Variants in HIF3A observed in about 807,000 individuals in gnomAD.
The protein encoded by HIF3A is hypoxia-inducible factor 3-alpha.
Under a neutral mutation model 67.2 loss-of-function variants are expected in HIF3A, and 41 were observed. The observed-to-expected ratio is 0.61, with a 90% confidence interval of 0.48 to 0.79. HIF3A has a LOEUF of 0.79. Among genes scored for constraint, HIF3A ranks in the 30% least tolerant of loss-of-function variants. The pLI is 0.00. For missense variants in HIF3A, 855 were observed against 898.0 expected, an observed-to-expected ratio of 0.95 and a Z score of 0.61; for synonymous variants, 356 against 374.8, an observed-to-expected ratio of 0.95 and a Z score of 0.58.
intron 14 of HIF3A, 116 bp downstream of exon 14, chr19:46,335,102 G>T: frequency 1.4e-6 from 1 of 699,194 alleles, no homozygotes; most frequent in Non-Finnish European, 2.3e-6. Flanking sequence ...AGGTGACCTT[G>T]GTGGAAACGG....
intron 11 of HIF3A, among the ~76,000 whole-genome samples, chr19:46,328,353 C>T (rs1248877200): frequency 2.0e-5 from 3 of 152,214 alleles, no homozygotes; most frequent in Non-Finnish European, 4.4e-5. Flanking sequence ...GTTAATTATT[C>T]ACTACACAAG....
rs778083512 is a variant in HIF3A, at chr19:46,312,271, T to C, written c.877+4T>C. The C allele has an allele frequency of 3.7e-6, 6 of 1,613,924 alleles. No homozygotes were observed. Among genetic ancestry groups the C allele is most frequent in the South Asian group, 1.1e-5 (1 of 91,082 alleles). ...GTCAGCAAGAGCATCCACACCTGTA[T>C]GTATCCCATTTCCCCAGGTGCGAAG... On this transcript the variant is annotated splice_donor_region_variant and intron_variant, in intron 7 of 14. Coordinates refer to ENST00000377670, the MANE Select transcript of HIF3A (RefSeq NM_152795.4).
rs1970718017 is a variant in HIF3A at position 46,325,527 on chromosome 19, C to T, written c.1336-8C>T. The T allele has an allele frequency of 6.2e-7, 1 of 1,603,024 alleles. No individual in the cohort carries two copies. On this transcript the variant is annotated splice_region_variant and splice_polypyrimidine_tract_variant and intron_variant, in intron 10 of 14. Coordinates refer to ENST00000377670, the MANE Select transcript of HIF3A (RefSeq NM_152795.4). ...ATTTCCTGAAGTTTCTACTCCATCT[C>T]TCCACAGGCTGATCTCCCAGATGAA...
chr19:46,313,238 G>A, intron 8 of HIF3A: 1 of 895,760 alleles, frequency 1.1e-6, no homozygotes, highest in Non-Finnish European at 1.3e-6. Context: ...GCAACAGAGC[G>A]AGACTCTGTC....
intron 4 of HIF3A, 93 bp downstream of exon 4, chr19:46,308,398 C>T: frequency 1.2e-6 from 1 of 811,338 alleles, no homozygotes; most frequent in Non-Finnish European, 2.1e-6. Context: ...CTGTGGAACA[C>T]CAGACTAAGA....
chr19:46,339,842 T>G lies in HIF3A; in HGVS notation c.*220T>G. 1 of 403,722 alleles carries G rather than the reference T, an allele frequency of 2.5e-6. No individual in the cohort carries two copies. The highest frequency in any genetic ancestry group is 4.4e-6 in the Non-Finnish European group (1 of 228,830). 25.0% of individuals were successfully genotyped at this position (403,722 alleles called of 1,614,324 possible). On this transcript the variant is annotated 3_prime_UTR_variant, in exon 15 of 15. Transcript: ENST00000377670. ...TCTCAGCTCAGTGACCTCTGGGAGG[T>G]GGTCCCTGGCCCCCTCCTCCTTCTC...
chr19:46,312,761 T>G, intron 8 of HIF3A, 108 bp downstream of exon 8: 3 of 1,472,934 alleles, frequency 2.0e-6, no homozygotes, highest in Non-Finnish European at 2.7e-6. Flanking sequence ...ATGTGTATCA[T>G]GCATAAGTGT....
intron 14 of HIF3A, among the ~76,000 whole-genome samples, chr19:46,336,543 G>A (rs1971636092): frequency 6.6e-6 from 1 of 152,070 alleles, no homozygotes; most frequent in Non-Finnish European, 1.5e-5. Flanking sequence ...TTGTGTGTTT[G>A]TGTGCGTGTG....
Position 46,314,565 on chromosome 19 carries a change from TA to T in HIF3A, c.1025+1913del, listed in dbSNP as rs1969765123. On this transcript the variant is annotated intron_variant, in intron 8 of 14. Coordinates refer to ENST00000377670, the MANE Select transcript of HIF3A (RefSeq NM_152795.4). ...TTATTTATTTTTATTTTTATTTATT[TA>T]TTTTTTTTGAGACAGAGTTTTGCCC... 1.4e-5 allele frequency among the ~76,000 whole-genome samples: 2 copies of T among 147,048 alleles called. 1 individual carries two copies. The highest frequency in any genetic ancestry group is 4.4e-4 in the South Asian group (2 of 4,528).
intron 8 of HIF3A, among the ~76,000 whole-genome samples, chr19:46,317,222 A>ATAATTTTTTAAAAATAGGGATGGGGTCTC (rs1265631805): frequency 1.3e-5 from 2 of 151,874 alleles, no homozygotes; most frequent in East Asian, 3.9e-4. Context: ...TACCCAGCCT[A>ATAATTTTTTAAAAATAGGGATGGGGTCTC]TAATTTTTTA....
chr19:46,338,029 A>T (rs1336899473), intron 14 of HIF3A, among the ~76,000 whole-genome samples: 3 of 152,010 alleles, frequency 2.0e-5, no homozygotes, highest in Non-Finnish European at 4.4e-5. Flanking sequence ...AGATTCACGC[A>T]CTCGCACTGT....
chr19:46,298,253 T>C, intron 1 of HIF3A: 2 of 394,466 alleles, frequency 5.1e-6, no homozygotes, highest in South Asian at 2.0e-5. Flanking sequence ...AGGCCCTGGC[T>C]CTGGGCCTAA....
intron 14 of HIF3A, among the ~76,000 whole-genome samples, chr19:46,335,761 G>C (rs1376169753): frequency 1.3e-5 from 2 of 151,992 alleles, no homozygotes; most frequent in African/African-American, 2.4e-5. Context: ...CAAGAGGGCA[G>C]GGTGAGTGTT....
rs3764610 is a variant in HIF3A, at chr19:46,320,494, C to T, written c.1077C>T (p.His359=). Residue 359 remains histidine, a synonymous_variant, in exon 9 of 15, where the codon CAC becomes CAT. Coordinates refer to ENST00000377670, the MANE Select transcript of HIF3A (RefSeq NM_152795.4). ...TGTCCCTGGAGCAAACGGAGCAACA[C>T]TCTCGCAGACCCATTCAGCGGGGCG... ...VVLSLEQTEQ[H]SRRPIQRGAP... 0.17 allele frequency: 281,646 copies of T among 1,613,816 alleles called. 27,256 individuals carry two copies. The highest frequency in any genetic ancestry group is 0.36 in the East Asian group (16,169 of 44,810).
In HIF3A at chr19:46,305,082, C is replaced by G. The variant is rs1463056609; in HGVS notation, c.218-163C>G. 18 of 980,160 alleles carry G rather than the reference C, an allele frequency of 1.8e-5. No individual in the cohort carries two copies. The Admixed American group carries it at 3.0e-4, about 16-fold the overall frequency. The allele number at this position is 980,160 out of a possible 1,614,324, so 60.7% of individuals were successfully genotyped here. ...TTCCAGTGCTTCTTGGTCCTGCTTT[C>G]TTCCTTGGGAATCCAGGCCACTAGG... On this transcript the variant is annotated intron_variant, in intron 2 of 14. Coordinates refer to ENST00000377670, the MANE Select transcript of HIF3A (RefSeq NM_152795.4).
Position 46,331,374 on chromosome 19 carries a change from G to A in HIF3A, c.1830+101G>A, listed in dbSNP as rs751820976. 21 of 907,104 alleles carry A rather than the reference G, an allele frequency of 2.3e-5. No individual in the cohort carries two copies. In the East Asian group the frequency reaches 5.0e-4, roughly 21 times the overall value. The allele number at this position is 907,104 out of a possible 1,614,324, so 56.2% of individuals were successfully genotyped here. On this transcript the variant is annotated intron_variant, in intron 13 of 14. Transcript: ENST00000377670. ...AACCAGAGAGGGGCAGGGGCTGGTTGAGGGTCATACAGAAAGTCAGTGGGC... is the reference window on the plus strand; with the variant it reads ...AACCAGAGAGGGGCAGGGGCTGGTTAAGGGTCATACAGAAAGTCAGTGGGC...
intron 10 of HIF3A, among the ~76,000 whole-genome samples, chr19:46,324,671 T>C (rs1970623216): frequency 1.3e-5 from 2 of 151,806 alleles, no homozygotes; most frequent in Non-Finnish European, 2.9e-5. Context: ...CTGACTAACA[T>C]GGTGAAACCC....
In HIF3A at chr19:46,340,041, A is replaced by C; in HGVS notation, c.*419A>C. The C allele has an allele frequency of 5.9e-6, 1 of 170,624 alleles. No individual in the cohort carries two copies. Among genetic ancestry groups the C allele is most frequent in the Non-Finnish European group, 1.2e-5 (1 of 80,930 alleles). The allele number at this position is 170,624 out of a possible 1,614,324, so 10.6% of individuals were successfully genotyped here. A position where few individuals can be genotyped will look rare whatever the true frequency, so the allele number is the denominator to read the frequency against. ...GGTCAACGTGATCACATTTCCTTCT[A>C]TCCTTCTTGTATTATTATTTTTATT... On this transcript the variant is annotated 3_prime_UTR_variant, in exon 15 of 15. Coordinates refer to ENST00000377670, the MANE Select transcript of HIF3A (RefSeq NM_152795.4).
At position 46,298,499 on chromosome 19, in the gene HIF3A, G is replaced by A. The variant is rs191346441; in HGVS notation, c.26+1397G>A. ...CCCCCTGGATGGCCCTTCAGCCAAC[G>A]GGGGCCTGGGCGATGGTGAGTGGGC... On this transcript the variant is annotated intron_variant, in intron 1 of 14. Coordinates refer to ENST00000377670, the MANE Select transcript of HIF3A (RefSeq NM_152795.4). The A allele has an allele frequency of 2.8e-3, 3,615 of 1,282,882 alleles. 9 individuals carry two copies. The highest frequency in any genetic ancestry group is 3.4e-3 in the Non-Finnish European group (3,368 of 985,612). The allele number at this position is 1,282,882 out of a possible 1,614,324, so 79.5% of individuals were successfully genotyped here.
Sources: gnomAD v4.1 joint callset for allele counts (sites outside exome capture counted in the v4.1 genomes callset) on GRCh38, gnomAD v4.1.1 for gene constraint, MANE v1.5 for transcripts, NCBI Gene and HGNC (gene_info 2026-07-23, HGNC 2026-07-21) for gene names.